The following GUCY1A2 variants were observed in gnomAD, a reference collection of about 807,000 sequenced individuals.
The protein encoded by GUCY1A2 is guanylate cyclase 1 soluble subunit alpha 2, also known as guanylate cyclase soluble subunit alpha-2.
Under a neutral mutation model 63.5 loss-of-function variants are expected in GUCY1A2, and 27 were observed. The observed-to-expected ratio is 0.43, with a 90% confidence interval of 0.31 to 0.59. The LOEUF is 0.59. Ranked by LOEUF, GUCY1A2 falls within the 20% of genes least tolerant of loss-of-function variation. The probability of loss-of-function intolerance (pLI) is 0.11; values close to 1 mark genes in which losing one functional copy is unlikely to be tolerated. For missense variants in GUCY1A2, 768 were observed against 913.3 expected, an observed-to-expected ratio of 0.84 and a Z score of 2.05; for synonymous variants, 364 against 343.5, an observed-to-expected ratio of 1.06 and a Z score of -0.66.
chr11:106,826,199 T>C (rs1407140403), intron 4 of GUCY1A2, among the ~76,000 whole-genome samples: 1 of 152,216 alleles, frequency 6.6e-6, no homozygotes, highest in Non-Finnish European at 1.5e-5. Context: ...ATTGGAAAGA[T>C]ATATCTATAA....
intron 5 of GUCY1A2, among the ~76,000 whole-genome samples, chr11:106,805,215 T>A (rs1275821411): frequency 6.6e-6 from 1 of 151,622 alleles, no homozygotes; most frequent in Non-Finnish European, 1.5e-5. Flanking sequence ...CCTCTACCTT[T>A]ACTCTGACAG....
At chr11:106,797,457 C>A (rs1158423318) in intron 5 of GUCY1A2, among the ~76,000 whole-genome samples, 1 of 152,126 alleles carries the variant, frequency 6.6e-6, no homozygotes, top group African/African-American at 2.4e-5. Flanking sequence ...GAACTCTACA[C>A]CCCAAATCAA....
chr11:106,709,621 G>GAA (rs1863033111), intron 6 of GUCY1A2, among the ~76,000 whole-genome samples: 1 of 37,864 alleles, frequency 2.6e-5, no homozygotes, highest in Non-Finnish European at 5.7e-5. Context: ...TTATATACGT[G>GAA]TATATATTAT....
intron 4 of GUCY1A2, among the ~76,000 whole-genome samples, chr11:106,912,786 G>T (rs1267276773): frequency 6.6e-6 from 1 of 152,048 alleles, no homozygotes; most frequent in Non-Finnish European, 1.5e-5. Flanking sequence ...ATTGTTAACT[G>T]TGCCCTTTAA....
chr11:106,847,512 A>G (rs753879480), intron 4 of GUCY1A2, among the ~76,000 whole-genome samples: 3 of 151,452 alleles, frequency 2.0e-5, no homozygotes, highest in Non-Finnish European at 4.4e-5. Context: ...AATTACTCCA[A>G]GATGAGGCAA....
intron 6 of GUCY1A2, among the ~76,000 whole-genome samples, chr11:106,711,399 T>C (rs1453018324): frequency 3.3e-5 from 5 of 152,128 alleles, no homozygotes; most frequent in African/African-American, 7.2e-5. Context: ...TAAGAAACAA[T>C]TGGTAGTATC....
intron 1 of GUCY1A2, among the ~76,000 whole-genome samples, chr11:107,000,448 T>C (rs1001152788): frequency 8.5e-5 from 13 of 152,222 alleles, no homozygotes; most frequent in African/African-American, 2.9e-4. Flanking sequence ...TATCACTCCC[T>C]ACAACAATGC....
At chr11:106,984,699 A>G (rs1482907242) in intron 2 of GUCY1A2, among the ~76,000 whole-genome samples, 1 of 152,232 alleles carries the variant, frequency 6.6e-6, no homozygotes, top group Non-Finnish European at 1.5e-5. Context: ...TGTAGTGCTC[A>G]CCACATACGA....
chr11:106,987,143 C>G (rs550731119), intron 1 of GUCY1A2, among the ~76,000 whole-genome samples: 6 of 152,294 alleles, frequency 3.9e-5, no homozygotes, highest in Admixed American at 2.6e-4. Flanking sequence ...CTCATCAAAG[C>G]ATTGATCCAT....
intron 1 of GUCY1A2, among the ~76,000 whole-genome samples, chr11:107,015,430 A>G (rs2462422): frequency 0.7 from 106,297 of 151,718 alleles, 38,714 homozygotes; most frequent in African/African-American, 0.9. Context: ...CTCTTATTCT[A>G]GCAGAAAATA....
At chr11:106,779,011 C>A (rs1591273099) in intron 5 of GUCY1A2, among the ~76,000 whole-genome samples, 1 of 151,760 alleles carries the variant, frequency 6.6e-6, no homozygotes, top group East Asian at 1.9e-4. Context: ...AAAAGCATTC[C>A]AACACTACAA....
chr11:106,897,385 T>C (rs1244374846), intron 4 of GUCY1A2, among the ~76,000 whole-genome samples: 1 of 152,058 alleles, frequency 6.6e-6, no homozygotes, highest in Non-Finnish European at 1.5e-5. Context: ...ACTTGAAATA[T>C]ACAACACGAT....
At chr11:106,715,182 A>G (rs1020295327) in intron 6 of GUCY1A2, among the ~76,000 whole-genome samples, 1 of 152,188 alleles carries the variant, frequency 6.6e-6, no homozygotes, top group Non-Finnish European at 1.5e-5. Flanking sequence ...CTTTATTACC[A>G]GGTTCACAAA....
chr11:106,707,403 C>A (rs1011835771), intron 7 of GUCY1A2, among the ~76,000 whole-genome samples: 19 of 151,668 alleles, frequency 1.3e-4, no homozygotes, highest in Admixed American at 1.2e-3. Flanking sequence ...TTTTTTGTAA[C>A]CATGTTAATA....
intron 5 of GUCY1A2, among the ~76,000 whole-genome samples, chr11:106,787,794 A>G (rs1235930720): frequency 6.6e-6 from 1 of 151,810 alleles, no homozygotes; most frequent in African/African-American, 2.4e-5. Context: ...GTTGATGGAC[A>G]CTTAGGTTTC....
At chr11:106,707,983 G>C (rs1216893481) in intron 7 of GUCY1A2, among the ~76,000 whole-genome samples, 2 of 151,876 alleles carry the variant, frequency 1.3e-5, no homozygotes, top group Non-Finnish European at 2.9e-5. Flanking sequence ...TTTCAAATTT[G>C]GGATGCTCAC....
At chr11:106,983,961 C>T (rs1289006655) in intron 2 of GUCY1A2, among the ~76,000 whole-genome samples, 1 of 151,972 alleles carries the variant, frequency 6.6e-6, no homozygotes, top group African/African-American at 2.4e-5. Flanking sequence ...CTTTTTAGTT[C>T]GAGGGTGAGT....
In GUCY1A2 at chr11:106,917,298, A is replaced by G. The variant is rs1860381441; in HGVS notation, c.1206+22162T>C. ...GCCCTGTGGCAACCAGAAGGAGCTT[A>G]GCATATTAGGAAAAGATGCAAGATT... is the stretch of plus-strand genomic sequence containing the variant. On this transcript the variant is annotated intron_variant, in intron 4 of 7. Coordinates refer to ENST00000526355, the MANE Select transcript of GUCY1A2 (RefSeq NM_000855.3). 1.4e-5 allele frequency among the ~76,000 whole-genome samples: 2 copies of G among 145,520 alleles called. 1 individual carries two copies. The highest frequency in any genetic ancestry group is 3.1e-5 in the Non-Finnish European group (2 of 64,818).
chr11:106,999,983 G>C (rs1468043356), intron 1 of GUCY1A2, among the ~76,000 whole-genome samples: 1 of 152,146 alleles, frequency 6.6e-6, no homozygotes, highest in Admixed American at 6.5e-5. Context: ...AGCTGAATAA[G>C]GAGATAAAGT....
Sources: gnomAD v4.1 joint callset for allele counts (sites outside exome capture counted in the v4.1 genomes callset) on GRCh38, gnomAD v4.1.1 for gene constraint, MANE v1.5 for transcripts, NCBI Gene and HGNC (gene_info 2026-07-23, HGNC 2026-07-21) for gene names.